PUS3: variants seen among roughly 807,000 people sequenced by gnomAD.
PUS3 encodes the protein tRNA pseudouridine(38/39) synthase.
In PUS3, 36 loss-of-function variants were observed where a neutral mutation model predicts 43.3. The ratio of observed to expected loss-of-function variants is 0.83; its 90% confidence interval spans 0.64 to 1.10. PUS3 has a LOEUF of 1.10. Ranked by LOEUF, PUS3 falls within the 50% of genes least tolerant of loss-of-function variation. The probability of loss-of-function intolerance (pLI) is 0.00; values close to 1 mark genes in which losing one functional copy is unlikely to be tolerated. For synonymous variants in PUS3, 183 were observed against 199.2 expected (o/e 0.92, Z 0.69); for missense variants, 544 against 589.9 (o/e 0.92, Z 0.81).
At chr11:125,896,359 T>G in intron 1 of PUS3, 29 bp from the exon 2 acceptor site, 1 of 1,355,874 alleles carries the variant, frequency 7.4e-7, no homozygotes, top group Non-Finnish European at 1.0e-6. Flanking sequence ...GATACAACAG[T>G]TTCAATGCTA....
intron 1 of PUS3, among the ~76,000 whole-genome samples, chr11:125,902,599 T>TTAAAA (rs1944808860): frequency 8.5e-6 from 1 of 117,334 alleles, no homozygotes; most frequent in South Asian, 3.1e-4. Context: ...GCGACAGTCT[T>TTAAAA]AAAAAAAAAA....
chr11:125,898,578 TAGAC>T (rs1055476082), intron 1 of PUS3, among the ~76,000 whole-genome samples: 7 of 151,834 alleles, frequency 4.6e-5, no homozygotes, highest in South Asian at 2.1e-4. Context: ...TCCGGAGTCT[TAGAC>T]AGGATAATCG....
At position 125,896,275 on chromosome 11, in the gene PUS3, T is replaced by C; in HGVS notation, c.10A>G (p.Asn4Asp). 1.2e-6 allele frequency: 2 copies of C among 1,605,862 alleles called. No homozygotes were observed. The highest frequency in any genetic ancestry group is 1.1e-5 in the South Asian group (1 of 90,810). The change falls in exon 2 of 4, where the codon AAT (asparagine) becomes GAT (aspartate). Residue 4 changes from asparagine to aspartate, a missense_variant. By Grantham distance (23) the Asn-to-Asp change is conservative. Coordinates refer to ENST00000227474, the MANE Select transcript of PUS3 (RefSeq NM_031307.4). MAYNDTDRNQTEKL... is the reference protein window; with the variant it reads MAYDDTDRNQTEKL... ...TCAGTCTGGTTTCTGTCTGTGTCAT[T>C]ATAAGCCATGATATGACAACCCCAG...
In PUS3 at chr11:125,899,364, A is replaced by C. The variant is rs940781154; in HGVS notation, c.-46-3034T>G. On this transcript the variant is annotated intron_variant, in intron 1 of 3. Transcript: ENST00000227474. ...TGCAGAAGGTCCTACAGTGTAGGGG[A>C]AGCAATGGAAGAACTTCTACCTGAT... 2.5e-6 allele frequency: 4 copies of C among 1,613,760 alleles called. No homozygotes were observed. The highest frequency in any genetic ancestry group is 3.4e-6 in the Non-Finnish European group (4 of 1,179,770).
At chr11:125,903,110 C>A in intron 1 of PUS3, 60 bp downstream of exon 1, 1 of 809,656 alleles carries the variant, frequency 1.2e-6, no homozygotes, top group Non-Finnish European at 1.5e-6. Context: ...GCAGTGTGTC[C>A]ATTTGTCCCT....
intron 3 of PUS3, among the ~76,000 whole-genome samples, chr11:125,894,775 T>C (rs1944523496): frequency 6.6e-6 from 1 of 152,200 alleles, no homozygotes; most frequent in African/African-American, 2.4e-5. Flanking sequence ...ATATGAATAG[T>C]TTGTTCATTT....
In PUS3 at chr11:125,893,600, G is replaced by C. The variant is rs185978919; in HGVS notation, c.*185C>G. ...GCTTAATCCTTTTGGACCGGGATAAGAGAATATTTGAAATTTCTTATTAAA... is the reference window on the plus strand; with the variant it reads ...GCTTAATCCTTTTGGACCGGGATAACAGAATATTTGAAATTTCTTATTAAA... On this transcript the variant is annotated 3_prime_UTR_variant, in exon 4 of 4. Transcript: ENST00000227474. The C allele has an allele frequency of 5.8e-6, 3 of 518,792 alleles. No homozygotes were observed. Among genetic ancestry groups the C allele is most frequent in the Non-Finnish European group, 9.9e-6 (3 of 303,860 alleles). 32.1% of individuals were successfully genotyped at this position (518,792 alleles called of 1,614,324 possible). A position where few individuals can be genotyped will look rare whatever the true frequency, so the allele number is the denominator to read the frequency against.
Position 125,893,900 on chromosome 11 carries a change from T to C in PUS3, c.1331A>G (p.Glu444Gly). 6.2e-7 allele frequency: 1 copy of C among 1,614,194 alleles called. No individual in the cohort carries two copies. Among genetic ancestry groups the C allele is most frequent in the Non-Finnish European group, 8.5e-7 (1 of 1,180,028 alleles). The change falls in exon 4 of 4, where the codon GAG becomes GGG. Residue 444 changes from glutamate (E) to glycine (G), a missense_variant. Coordinates refer to ENST00000227474, the MANE Select transcript of PUS3 (RefSeq NM_031307.4). Reference protein sequence around the residue: ...GRIEHPHLFHEEETKAKRDCN... With the variant: ...GRIEHPHLFHGEETKAKRDCN... ...GTCCCTTTTGGCTTTTGTTTCTTCC[T>C]CATGGAATAAATGTGGGTGCTCAAT...
chr11:125,898,688 A>G (rs1169416862), intron 1 of PUS3, among the ~76,000 whole-genome samples: 1 of 152,092 alleles, frequency 6.6e-6, no homozygotes, highest in African/African-American at 2.4e-5. Context: ...AAAAAAAATT[A>G]TTAAAGCATA....
intron 1 of PUS3, among the ~76,000 whole-genome samples, chr11:125,901,677 A>C (rs1944776688): frequency 1.3e-5 from 2 of 152,238 alleles, no homozygotes; most frequent in African/African-American, 4.8e-5. Flanking sequence ...TCTGGAAAAG[A>C]AGTAATCAAT....
intron 1 of PUS3, among the ~76,000 whole-genome samples, chr11:125,898,153 C>A (rs1944644272): frequency 6.6e-6 from 1 of 151,864 alleles, no homozygotes; most frequent in Non-Finnish European, 1.5e-5. Flanking sequence ...TAAGAAATTG[C>A]CTTTGAGAGT....
At chr11:125,894,405 T>C in intron 3 of PUS3, 119 bp from the exon 4 acceptor site, 2 of 726,052 alleles carry the variant, frequency 2.8e-6, no homozygotes, top group Non-Finnish European at 4.6e-6. Context: ...GATGTTAATA[T>C]TGCCTAATAG....
chr11:125,894,462 A>G (rs943810153), intron 3 of PUS3, among the ~76,000 whole-genome samples, 176 bp from the exon 4 acceptor site: 2 of 152,208 alleles, frequency 1.3e-5, no homozygotes, highest in Non-Finnish European at 2.9e-5. Context: ...CTTTATTACA[A>G]TAATGAAAAA....
intron 1 of PUS3, among the ~76,000 whole-genome samples, chr11:125,897,786 A>G (rs918024384): frequency 6.6e-6 from 1 of 152,216 alleles, no homozygotes; most frequent in African/African-American, 2.4e-5. Context: ...GGAGGTAAAC[A>G]TTTTGGCAAC....
chr11:125,900,287 C>G (rs1476863956), intron 1 of PUS3: 1 of 1,611,682 alleles, frequency 6.2e-7, no homozygotes, highest in East Asian at 2.2e-5. Context: ...AAACTTCTTT[C>G]ACAGGATTGT....
Position 125,896,160 on chromosome 11 carries a change from C to G in PUS3, c.125G>C (p.Arg42Thr). Residue 42 changes from arginine to threonine, a missense_variant, in exon 2 of 4, where the codon AGA (arginine) becomes ACA (threonine). Transcript: ENST00000227474. ...QAKNKEDSNI[R>T]ENSAGAGKTK... ...TTTTCCAGCTCCTGCTGAATTTTCTCTAATGTTTGAGTCCTCCTTATTTTT... is the reference window on the plus strand; with the variant it reads ...TTTTCCAGCTCCTGCTGAATTTTCTGTAATGTTTGAGTCCTCCTTATTTTT... The G allele has an allele frequency of 6.2e-7, 1 of 1,614,208 alleles. No individual in the cohort carries two copies. The highest frequency in any genetic ancestry group is 8.5e-7 in the Non-Finnish European group (1 of 1,180,036).
chr11:125,895,252 C>T lies in PUS3; in HGVS notation c.916G>A (p.Glu306Lys), dbSNP rs368785657. Residue 306 changes from glutamate (E) to lysine (K), a missense_variant, in exon 3 of 4, where the codon GAG becomes AAG. By Grantham distance (56) the Glu-to-Lys change is moderately conservative. Transcript: ENST00000227474. ...PEIIDELLNIEKNPQKPQYSM... is the reference protein window; with the variant it reads ...PEIIDELLNIKKNPQKPQYSM... ...TATTGAGGCTTTTGGGGATTTTTCT[C>T]TATATTCAGCAGCTCATCAATAATC... The T allele has an allele frequency of 8.2e-6, 13 of 1,591,872 alleles. No individual in the cohort carries two copies. In the African/African-American group the frequency reaches 1.8e-4, roughly 22 times the overall value.
Position 125,895,662 on chromosome 11 carries a change from G to A in PUS3, c.506C>T (p.Pro169Leu). ...CCAGGCCAATATACGGATGTCTGGA[G>A]GGAGTACCCGATTGAGAATGTGGGT... The part of the protein sequence containing the change: ...RYTHILNRVL[P>L]PDIRILAWAP... The change falls in exon 3 of 4, where the codon CCT (proline) becomes CTT (leucine). Residue 169 changes from proline to leucine, a missense_variant. Pro to Leu is a moderately conservative substitution (Grantham distance 98). Transcript: ENST00000227474. The A allele has an allele frequency of 1.2e-6, 2 of 1,614,198 alleles. No individual in the cohort carries two copies. Among genetic ancestry groups the A allele is most frequent in the Non-Finnish European group, 8.5e-7 (1 of 1,180,020 alleles).
intron 1 of PUS3, among the ~76,000 whole-genome samples, chr11:125,897,468 C>T (rs537015475): frequency 1.1e-4 from 17 of 151,006 alleles, no homozygotes; most frequent in Admixed American, 5.9e-4. Flanking sequence ...TGGTAAAGTG[C>T]GACCTTCCTC....
Sources: allele counts gnomAD v4.1 joint callset (sites outside exome capture counted in the v4.1 genomes callset), GRCh38; gene constraint gnomAD v4.1.1; transcripts MANE v1.5; gene names NCBI Gene and HGNC (gene_info 2026-07-23, HGNC 2026-07-21).